Variants in MID1 observed in about 807,000 individuals in gnomAD.
The protein encoded by MID1 is E3 ubiquitin-protein ligase Midline-1.
Under a neutral mutation model 40.4 loss-of-function variants are expected in MID1, and 7 were observed. That is an observed-to-expected ratio of 0.17 (90% confidence interval 0.10 to 0.33). The LOEUF (loss-of-function observed/expected upper bound fraction) is 0.33, where lower values mean the gene tolerates loss of function less well. Ranked by LOEUF, MID1 falls within the 10% of genes least tolerant of loss-of-function variation. The pLI, the probability that MID1 is intolerant of heterozygous loss-of-function variation, is 1.00. For synonymous variants in MID1, 229 were observed against 221.2 expected, an observed-to-expected ratio of 1.04 and a Z score of -0.31; for missense variants, 367 against 558.5, an observed-to-expected ratio of 0.66 and a Z score of 3.46.
intron 1 of MID1, among the ~76,000 whole-genome samples, chrX:10,592,961 C>A (rs1447542723): frequency 1.8e-5 from 2 of 111,504 alleles, no homozygotes; most frequent in Non-Finnish European, 3.8e-5. Context: ...TTAAAAAGAC[C>A]TTTTTTCATT....
intron 1 of MID1, among the ~76,000 whole-genome samples, chrX:10,791,591 A>T (rs1439997173): frequency 8.9e-6 from 1 of 111,734 alleles, no homozygotes; most frequent in Non-Finnish European, 1.9e-5. Flanking sequence ...CAATAACAAA[A>T]ATTGACTGGT....
intron 2 of MID1, among the ~76,000 whole-genome samples, chrX:10,536,479 A>C (rs1317568426): frequency 1.8e-5 from 2 of 112,864 alleles, no homozygotes; most frequent in Non-Finnish European, 3.7e-5. Context: ...GAGTTTACAT[A>C]TACAACGTGT....
intron 1 of MID1, among the ~76,000 whole-genome samples, chrX:10,596,747 T>C (rs1361751743): frequency 8.9e-6 from 1 of 111,908 alleles, no homozygotes; most frequent in Non-Finnish European, 1.9e-5. Context: ...CTCACCACAG[T>C]TAAACCTACA....
intron 1 of MID1, chrX:10,677,508 G>A (rs572593820): frequency 8.9e-6 from 1 of 112,547 alleles, no homozygotes; most frequent in Admixed American, 9.4e-5. Context: ...ATAAACCACA[G>A]TGGAGACAAG....
chrX:10,620,603 C>G (rs1028555719), upstream of MID1: 1 of 112,181 alleles, frequency 8.9e-6, no homozygotes, highest in African/African-American at 3.3e-5. Context: ...TTGTAGGTGG[C>G]TGGCTTGGGC....
chrX:10,586,582 C>T (rs773518276), intron 1 of MID1, among the ~76,000 whole-genome samples: 1 of 112,467 alleles, frequency 8.9e-6, no homozygotes, highest in Non-Finnish European at 1.9e-5. Context: ...GGGATTTTCA[C>T]AGAGCAAGCT....
intron 1 of MID1, among the ~76,000 whole-genome samples, chrX:10,734,789 C>T (rs2147105313): frequency 9.0e-6 from 1 of 111,720 alleles, no homozygotes; most frequent in South Asian, 3.8e-4. Flanking sequence ...ATAACAATGT[C>T]CTAGTGGTTG....
intron 1 of MID1, among the ~76,000 whole-genome samples, chrX:10,683,205 A>G (rs1320678150): frequency 8.9e-6 from 1 of 111,903 alleles, no homozygotes; most frequent in Non-Finnish European, 1.9e-5. Flanking sequence ...TTCTCTAGAA[A>G]TAAAAAGTTT....
upstream of MID1, among the ~76,000 whole-genome samples, chrX:10,623,563 G>A (rs927978861): frequency 1.8e-5 from 2 of 111,885 alleles, no homozygotes; most frequent in Non-Finnish European, 3.8e-5. Flanking sequence ...ATAGGTTCTG[G>A]GTGGATAGTC....
chrX:10,604,575 GAAA>G (rs995770325), intron 1 of MID1, among the ~76,000 whole-genome samples: 2 of 110,780 alleles, frequency 1.8e-5, no homozygotes, highest in Admixed American at 1.9e-4. Flanking sequence ...TTTGTTGTCA[GAAA>G]AAAAAGGGAT....
chrX:10,569,084 G>A lies in MID1; in HGVS notation c.-56-1481C>T, dbSNP rs747163466. On this transcript the variant is annotated intron_variant, in intron 1 of 9. Transcript: ENST00000317552. ...ATCAATCGTTTGTATTCACACCTCC[G>A]CTTATTTACAAAATTCACGGTTTCT... 2.2e-4 allele frequency among the ~76,000 whole-genome samples: 25 copies of A among 111,862 alleles called. No homozygotes were observed. In the South Asian group the frequency reaches 5.6e-3, roughly 25 times the overall value.
At chrX:10,665,796 A>C (rs765633864) in intron 1 of MID1, among the ~76,000 whole-genome samples, 2 of 110,540 alleles carry the variant, frequency 1.8e-5, no homozygotes, top group South Asian at 7.7e-4. Flanking sequence ...CCAAAGTGCC[A>C]GGATTATAGG....
chrX:10,469,642 A>G (rs1929584858), intron 7 of MID1, 55 bp downstream of exon 7: 2 of 1,210,631 alleles, frequency 1.7e-6, no homozygotes, highest in Non-Finnish European at 2.2e-6. Context: ...CAGGAATGCA[A>G]TCAATCTGAA....
At chrX:10,718,390 A>G (rs1455611880) in intron 1 of MID1, among the ~76,000 whole-genome samples, 1 of 112,102 alleles carries the variant, frequency 8.9e-6, no homozygotes, top group East Asian at 2.8e-4. Flanking sequence ...ACAGAAATAC[A>G]AACTACCATC....
intron 2 of MID1, among the ~76,000 whole-genome samples, chrX:10,542,717 G>A (rs921894842): frequency 9.0e-6 from 1 of 111,725 alleles, no homozygotes; most frequent in Non-Finnish European, 1.9e-5. Context: ...TCCCTGACTA[G>A]GATCAATAAA....
chrX:10,831,519 T>C (rs2044252635), intron 1 of MID1, among the ~76,000 whole-genome samples: 1 of 111,620 alleles, frequency 9.0e-6, no homozygotes, highest in Non-Finnish European at 1.9e-5. Context: ...AATGCAACAA[T>C]ATAGGTCCTA....
intron 1 of MID1, among the ~76,000 whole-genome samples, chrX:10,825,904 G>GT (rs896073782): frequency 9.0e-6 from 1 of 111,585 alleles, no homozygotes; most frequent in African/African-American, 3.3e-5. Context: ...ATTTGACCAT[G>GT]TATGAAGTGA....
chrX:10,749,931 G>A (rs971998212), intron 1 of MID1, among the ~76,000 whole-genome samples: 1 of 111,438 alleles, frequency 9.0e-6, no homozygotes, highest in Admixed American at 9.5e-5. Flanking sequence ...TGAGATTTGG[G>A]CGGGGACACA....
chrX:10,720,012 T>A (rs1336309143), intron 1 of MID1, among the ~76,000 whole-genome samples: 4 of 112,027 alleles, frequency 3.6e-5, no homozygotes, highest in Admixed American at 9.5e-5. Context: ...AAGCTGAAAC[T>A]GCATCCCTTC....
Sources: allele counts gnomAD v4.1 joint callset (sites outside exome capture counted in the v4.1 genomes callset), GRCh38; gene constraint gnomAD v4.1.1; transcripts MANE v1.5; gene names NCBI Gene and HGNC (gene_info 2026-07-23, HGNC 2026-07-21).